Variants in CD109 observed in about 807,000 individuals in gnomAD.
The protein encoded by CD109 is CD109 antigen.
In CD109, 149 loss-of-function variants were observed where a neutral mutation model predicts 165.8. The observed-to-expected ratio is 0.90, with a 90% CI of 0.79 to 1.03. CD109 has a LOEUF of 1.03. Ranked by LOEUF, CD109 falls within the 50% of genes least tolerant of loss-of-function variation. CD109 has a pLI of 0.00. For synonymous variants in CD109, 585 were observed against 592.1 expected, an observed-to-expected ratio of 0.99 and a Z score of 0.18; for missense variants, 1,712 against 1,677.8, an observed-to-expected ratio of 1.02 and a Z score of -0.36.
At chr6:73,694,382 A>G (rs1219822807), upstream of CD109, 6 of 152,172 alleles carry the variant, frequency 3.9e-5, no homozygotes, top group African/African-American at 1.4e-4. Context: ...AGGAGGGCAT[A>G]AACAGGAAGG....
At chr6:73,703,869 C>T (rs926978386) in intron 2 of CD109, among the ~76,000 whole-genome samples, 24 of 152,112 alleles carry the variant, frequency 1.6e-4, no homozygotes, top group African/African-American at 5.6e-4. Flanking sequence ...GATTCATGGC[C>T]TCCCTCAAGA....
chr6:73,730,453 T>TG lies in CD109; in HGVS notation c.386_387insG (p.Ile129MetfsTer30). ...CGCTTATCATTTGAGACCAAGAGAA[T>TG]ATCTGTCTTCATTCAAACAGACAAG... is the stretch of plus-strand genomic sequence containing the variant. On this transcript the variant is annotated frameshift_variant, in exon 4 of 33. Coordinates refer to ENST00000287097, the MANE Select transcript of CD109 (RefSeq NM_133493.5). LOFTEE classifies it high-confidence loss of function. 1 of 1,613,606 alleles carries TG rather than the reference T, an allele frequency of 6.2e-7. No homozygotes were observed. Among genetic ancestry groups the TG allele is most frequent in the East Asian group, 2.2e-5 (1 of 44,874 alleles).
chr6:73,784,914 A>G (rs1774631873), intron 19 of CD109, among the ~76,000 whole-genome samples: 1 of 152,238 alleles, frequency 6.6e-6, no homozygotes, highest in Non-Finnish European at 1.5e-5. Context: ...CTTTTAAAGC[A>G]GATTGGTGGA....
rs185343529 is a variant in CD109, at chr6:73,756,052, A to C, written c.634-591A>C. 5.8e-4 allele frequency among the ~76,000 whole-genome samples: 89 copies of C among 152,316 alleles called. 1 individual carries two copies. In the East Asian group the frequency reaches 0.014, roughly 24 times the overall value. On this transcript the variant is annotated intron_variant, in intron 5 of 32. Transcript: ENST00000287097. ...GATAATAGCCCACGTTTTCTTGTTG[A>C]TTGTGGAAAAGGAAATAATTAACAG...
chr6:73,727,573 T>C (rs2150175670), intron 3 of CD109, among the ~76,000 whole-genome samples: 1 of 152,312 alleles, frequency 6.6e-6, no homozygotes, highest in Admixed American at 6.5e-5. Flanking sequence ...GGAGGTAGAA[T>C]AAAATGTTTT....
At chr6:73,758,039 TTGG>T (rs1471870269) in intron 6 of CD109, among the ~76,000 whole-genome samples, 1 of 152,126 alleles carries the variant, frequency 6.6e-6, no homozygotes, top group Non-Finnish European at 1.5e-5. Context: ...TTGGATTTTC[TTGG>T]TGGTGGGGGT....
intron 4 of CD109, among the ~76,000 whole-genome samples, chr6:73,732,247 G>A (rs1455997662): frequency 1.3e-5 from 2 of 152,074 alleles, no homozygotes; most frequent in Non-Finnish European, 2.9e-5. Flanking sequence ...TTTTAGTTTG[G>A]TATCTTCCTA....
intron 2 of CD109, among the ~76,000 whole-genome samples, chr6:73,705,222 A>G (rs1771221640): frequency 6.6e-6 from 1 of 152,218 alleles, no homozygotes; most frequent in Non-Finnish European, 1.5e-5. Flanking sequence ...AGATTTAGGC[A>G]TTATTTTCAT....
intron 23 of CD109, among the ~76,000 whole-genome samples, chr6:73,798,590 A>T (rs865880712): frequency 2.6e-5 from 4 of 151,914 alleles, no homozygotes; most frequent in African/African-American, 9.7e-5. Context: ...TTACTTTTCC[A>T]TGGGAGCAGA....
intron 5 of CD109, among the ~76,000 whole-genome samples, chr6:73,748,535 C>T (rs1773066851): frequency 6.6e-6 from 1 of 152,162 alleles, no homozygotes; most frequent in African/African-American, 2.4e-5. Flanking sequence ...TCCACTAGAT[C>T]AGAAGGTCCA....
chr6:73,780,314 C>T (rs1774435302), intron 15 of CD109, 110 bp from the exon 16 acceptor site: 1 of 760,252 alleles, frequency 1.3e-6, no homozygotes, highest in Non-Finnish European at 2.4e-6. Flanking sequence ...CAATTTGTGT[C>T]ATTTTCAAAG....
At chr6:73,704,449 A>G (rs1232014025) in intron 2 of CD109, among the ~76,000 whole-genome samples, 3 of 152,170 alleles carry the variant, frequency 2.0e-5, no homozygotes, top group Non-Finnish European at 4.4e-5. Context: ...GCAGAGAAAC[A>G]TGACTTGGGG....
chr6:73,749,499 G>A (rs1359911960), intron 5 of CD109, among the ~76,000 whole-genome samples: 3 of 152,152 alleles, frequency 2.0e-5, no homozygotes, highest in Admixed American at 2.0e-4. Flanking sequence ...AGGTGGGGAA[G>A]TTTGTGGGCC....
intron 5 of CD109, among the ~76,000 whole-genome samples, chr6:73,751,319 G>T (rs1773182037): frequency 6.6e-6 from 1 of 151,998 alleles, no homozygotes; most frequent in South Asian, 2.1e-4. Context: ...AAGATTGTGG[G>T]GAGGTCTTTC....
At chr6:73,702,626 C>T (rs779085735) in intron 2 of CD109, among the ~76,000 whole-genome samples, 4 of 152,180 alleles carry the variant, frequency 2.6e-5, no homozygotes, top group South Asian at 2.1e-4. Context: ...AGCATAATCA[C>T]GATGTGCCTG....
intron 2 of CD109, among the ~76,000 whole-genome samples, chr6:73,717,693 C>T (rs952970325): frequency 7.0e-6 from 1 of 142,024 alleles, no homozygotes; most frequent in African/African-American, 2.6e-5. Context: ...AATCTCGGCT[C>T]ACTGCAAACT....
intron 5 of CD109, among the ~76,000 whole-genome samples, chr6:73,751,478 A>G (rs986273402): frequency 6.6e-6 from 1 of 151,960 alleles, no homozygotes; most frequent in Non-Finnish European, 1.5e-5. Flanking sequence ...TTTGATCAGG[A>G]TAGAAAACAG....
intron 2 of CD109, among the ~76,000 whole-genome samples, chr6:73,701,858 A>G (rs1419510888): frequency 6.6e-6 from 1 of 152,120 alleles, no homozygotes; most frequent in Non-Finnish European, 1.5e-5. Flanking sequence ...AGGTGGGAGG[A>G]TTGCTTGAGC....
chr6:73,694,179 A>G (rs2150139404), upstream of CD109: 1 of 152,288 alleles, frequency 6.6e-6, no homozygotes, highest in South Asian at 2.1e-4. Flanking sequence ...GTGAACCACC[A>G]CGCCTGGCCT....
Sources: gnomAD v4.1 joint callset for allele counts (sites outside exome capture counted in the v4.1 genomes callset) on GRCh38, gnomAD v4.1.1 for gene constraint, MANE v1.5 for transcripts, NCBI Gene and HGNC (gene_info 2026-07-23, HGNC 2026-07-21) for gene names.